Variants in DTD1 observed in about 807,000 individuals in gnomAD.
DTD1 encodes the protein D-aminoacyl-tRNA deacylase 1.
Under a neutral mutation model 25.6 loss-of-function variants are expected in DTD1, and 13 were observed. The ratio of observed to expected loss-of-function variants is 0.51; its 90% CI spans 0.33 to 0.81. The LOEUF is 0.81. Ranked by LOEUF, DTD1 falls within the 30% of genes least tolerant of loss-of-function variation. The pLI is 0.02. For missense variants in DTD1, 193 were observed against 266.4 expected (o/e 0.72, Z 1.92); for synonymous variants, 110 against 103.6 (o/e 1.06, Z -0.37).
At chr20:18,669,957 GATTGTCTGC>G (rs1318082926) in intron 4 of DTD1, among the ~76,000 whole-genome samples, 1 of 152,178 alleles carries the variant, frequency 6.6e-6, no homozygotes, top group African/African-American at 2.4e-5. Context: ...TCCCTGTAGG[GATTGTCTGC>G]AAGCGCACAC....
At chr20:18,669,442 G>A (rs923949444) in intron 4 of DTD1, among the ~76,000 whole-genome samples, 2 of 152,138 alleles carry the variant, frequency 1.3e-5, no homozygotes, top group African/African-American at 4.8e-5. Context: ...TGCATTCCTC[G>A]GCTGAGCTCC....
intron 4 of DTD1, among the ~76,000 whole-genome samples, chr20:18,724,280 C>T (rs376941516): frequency 2.0e-5 from 3 of 152,250 alleles, no homozygotes; most frequent in Non-Finnish European, 2.9e-5. Flanking sequence ...GGTGGGGCAG[C>T]GTGGGCAGGT....
At chr20:18,640,368 A>G (rs1447409216) in intron 4 of DTD1, among the ~76,000 whole-genome samples, 4 of 152,114 alleles carry the variant, frequency 2.6e-5, no homozygotes, top group Admixed American at 6.5e-5. Context: ...TTAGAAGTTT[A>G]AGATACACTA....
chr20:18,715,113 A>G (rs1036678034), intron 4 of DTD1, among the ~76,000 whole-genome samples: 2 of 152,046 alleles, frequency 1.3e-5, no homozygotes, highest in African/African-American at 2.4e-5. Flanking sequence ...TGCATCTGCC[A>G]TTGGTCCACC....
At position 18,596,227 on chromosome 20, in the gene DTD1, C is replaced by T. The variant is rs753802514; in HGVS notation, c.356C>T (p.Pro119Leu). 13 of 1,613,644 alleles carry T rather than the reference C, an allele frequency of 8.1e-6. No individual in the cohort carries two copies. Among genetic ancestry groups the T allele is most frequent in the African/African-American group, 2.7e-5 (2 of 74,860 alleles). The change falls in exon 3 of 6, where the codon CCG becomes CTG. Residue 119 changes from proline to leucine, a missense_variant. By Grantham distance (98) the Pro-to-Leu change is moderately conservative (BLOSUM62 -3). Transcript: ENST00000377452. ...GAGCAGCTGCGTAAAACATACAGGC[C>T]GGAGCTTATCAAAGGTAAGCAGGAG... ...FLEQLRKTYR[P>L]ELIKDGKFGA...
rs924480345 is a variant in DTD1 at position 18,727,582 on chromosome 20, C to T, written c.478-16518C>T. On this transcript the variant is annotated intron_variant, in intron 4 of 5. Transcript: ENST00000377452. The stretch of plus-strand genomic sequence containing the variant: ...TGAGATATTCACATGCCACACAGTC[C>T]GCACATGTGAAGTGCACAGTTCATG... Among the ~76,000 whole-genome samples, 7 of 152,218 alleles carry T rather than the reference C, an allele frequency of 4.6e-5. No homozygotes were observed. In the East Asian group the frequency reaches 9.7e-4, roughly 21 times the overall value.
At chr20:18,750,291 A>C (rs1378141133) in intron 5 of DTD1, among the ~76,000 whole-genome samples, 1 of 152,304 alleles carries the variant, frequency 6.6e-6, no homozygotes, top group Middle Eastern at 3.4e-3. Flanking sequence ...AAATATTCAG[A>C]TATCTATGAG....
At chr20:18,610,309 G>A (rs927634092) in intron 3 of DTD1, among the ~76,000 whole-genome samples, 17 of 152,000 alleles carry the variant, frequency 1.1e-4, no homozygotes, top group Admixed American at 7.2e-4. Flanking sequence ...CTTAGGCTGG[G>A]CTTGAACTCC....
chr20:18,597,691 ACTTTT>A (rs1366701630), intron 3 of DTD1, among the ~76,000 whole-genome samples: 4 of 152,284 alleles, frequency 2.6e-5, no homozygotes, highest in East Asian at 1.9e-4. Flanking sequence ...CCATGTTGCC[ACTTTT>A]CTTTTCATCA....
chr20:18,593,831 A>T lies in DTD1; in HGVS notation c.134+10A>T, dbSNP rs779298681. 1 of 1,608,502 alleles carries T rather than the reference A, an allele frequency of 6.2e-7. No individual in the cohort carries two copies. Among genetic ancestry groups the T allele is most frequent in the Non-Finnish European group, 8.5e-7 (1 of 1,175,658 alleles). On this transcript the variant is annotated intron_variant, in intron 2 of 5. Transcript: ENST00000377452. ...AGGAACTGGAACACATGTAAGATGC[A>T]TTTCTGTCATTGCTGTTTGAGTGGG...
chr20:18,711,104 T>G (rs1488601806), intron 4 of DTD1, among the ~76,000 whole-genome samples: 1 of 152,230 alleles, frequency 6.6e-6, no homozygotes, highest in Admixed American at 6.5e-5. Context: ...GAGTCCTTCC[T>G]GAGCTCCATG....
intron 4 of DTD1, among the ~76,000 whole-genome samples, chr20:18,649,532 T>A (rs1199828109): frequency 6.6e-6 from 1 of 151,528 alleles, no homozygotes; most frequent in Non-Finnish European, 1.5e-5. Context: ...AGAGATGGGG[T>A]TTCACTGTGT....
rs67256706 is a variant in DTD1, at chr20:18,744,655, A to C, written c.*19+384A>C. Among the ~76,000 whole-genome samples the C allele has an allele frequency of 4.1e-3, 493 of 119,926 alleles. 25 individuals are homozygous for C. The highest frequency in any genetic ancestry group is 0.014 in the African/African-American group (446 of 32,866). 78.7% of individuals were successfully genotyped at this position (119,926 alleles called of 152,430 possible). On this transcript the variant is annotated intron_variant, in intron 5 of 5. Transcript: ENST00000377452. ...CCATCTCAAAAAAAAAAAACAAAAA[A>C]CAAGTGAAAGGGGTTTCCCCTTATA...
chr20:18,612,514 C>T (rs1254296086), intron 3 of DTD1, among the ~76,000 whole-genome samples: 2 of 152,074 alleles, frequency 1.3e-5, no homozygotes, highest in African/African-American at 2.4e-5. Context: ...AGGTGCAGCA[C>T]GGTAACCTAT....
chr20:18,588,182 G>C, intron 1 of DTD1, 67 bp downstream of exon 1: 1 of 1,209,132 alleles, frequency 8.3e-7, no homozygotes, highest in Non-Finnish European at 1.0e-6. Flanking sequence ...GTCTTGCGTG[G>C]GGGGTCTTCC....
intron 4 of DTD1, among the ~76,000 whole-genome samples, chr20:18,719,822 ATAAT>A (rs2061195583): frequency 6.6e-6 from 1 of 152,160 alleles, no homozygotes; most frequent in Non-Finnish European, 1.5e-5. Flanking sequence ...TTTTGTCATA[ATAAT>A]TTATTTTGTC....
At position 18,596,191 on chromosome 20, in the gene DTD1, A is replaced by G. The variant is rs138667905; in HGVS notation, c.320A>G (p.Asn107Ser). 73 of 1,614,002 alleles carry G rather than the reference A, an allele frequency of 4.5e-5. No homozygotes were observed. Among genetic ancestry groups the G allele is most frequent in the Admixed American group, 6.7e-5 (4 of 59,986 alleles). Residue 107 changes from asparagine to serine, a missense_variant, in exon 3 of 6, where the codon AAC (asparagine) becomes AGC (serine). Transcript: ENST00000377452. ...ACGGAGCAGGCAGAGGGCTTCTACAACAGCTTCCTGGAGCAGCTGCGTAAA... is the reference window on the plus strand; with the variant it reads ...ACGGAGCAGGCAGAGGGCTTCTACAGCAGCTTCCTGGAGCAGCTGCGTAAA... The part of the protein sequence containing the change: ...MPTEQAEGFY[N>S]SFLEQLRKTY...
intron 4 of DTD1, among the ~76,000 whole-genome samples, chr20:18,709,596 C>T (rs574334663): frequency 6.6e-5 from 10 of 152,288 alleles, no homozygotes; most frequent in Middle Eastern, 3.4e-3. Flanking sequence ...TGTGGGCAGA[C>T]GGTCACTAAG....
At chr20:18,693,593 G>C (rs1201743095) in intron 4 of DTD1, among the ~76,000 whole-genome samples, 1 of 151,686 alleles carries the variant, frequency 6.6e-6, no homozygotes, top group Non-Finnish European at 1.5e-5. Context: ...GGAGGCGGAG[G>C]TTGCAGCTAG....
Sources: allele counts gnomAD v4.1 joint callset (sites outside exome capture counted in the v4.1 genomes callset), GRCh38; gene constraint gnomAD v4.1.1; transcripts MANE v1.5; gene names NCBI Gene and HGNC (gene_info 2026-07-23, HGNC 2026-07-21).